NEB: variants seen among roughly 807,000 people sequenced by gnomAD.
The protein encoded by NEB is nebulin.
In NEB, 512 loss-of-function variants were observed where a neutral mutation model predicts 952.2. That is an observed-to-expected ratio of 0.54 (90% CI 0.50 to 0.58). The LOEUF is 0.58. Among genes scored for constraint, NEB ranks in the 20% least tolerant of loss-of-function variants. The pLI, the probability that NEB is intolerant of heterozygous loss-of-function variation, is 0.00. For synonymous variants in NEB, 2,900 were observed against 3,149.8 expected (o/e 0.92, Z 2.66); for missense variants, 8,428 against 9,231.1 (o/e 0.91, Z 3.56).
chr2:151,675,167 T>C, intron 35 of NEB, 120 bp downstream of exon 35: 2 of 758,816 alleles, frequency 2.6e-6, no homozygotes, highest in Non-Finnish European at 4.7e-6. Context: ...TGGGATATGT[T>C]CCAGTAGGGG....
rs772465298 is a variant in NEB at position 151,724,254 on chromosome 2, C to A, written c.612+6G>T. On this transcript the variant is annotated splice_donor_region_variant and intron_variant, in intron 8 of 181. Transcript: ENST00000397345. Reference sequence around the variant, plus strand: ...AGACAGAAGTGGCAATGGAGCAGACCCTTACCTTGCTGAACATGGCGGTGT... The same window carrying A: ...AGACAGAAGTGGCAATGGAGCAGACACTTACCTTGCTGAACATGGCGGTGT... 1 of 1,608,694 alleles carries A rather than the reference C, an allele frequency of 6.2e-7. No individual in the cohort carries two copies. The highest frequency in any genetic ancestry group is 1.1e-5 in the South Asian group (1 of 90,184).
Position 151,505,822 on chromosome 2 carries a change from C to T in NEB, c.23650-252G>A, listed in dbSNP as rs576375058. 144 of 554,020 alleles carry T rather than the reference C, an allele frequency of 2.6e-4. 1 individual carries two copies. In the African/African-American group the frequency reaches 2.6e-3, roughly 10 times the overall value. The allele number at this position is 554,020 out of a possible 1,614,324, so 34.3% of individuals were successfully genotyped here. A position where few individuals can be genotyped will look rare whatever the true frequency, so the allele number is the denominator to read the frequency against. ...TGGGGGCCCCTATTTAGACTGCAGCCCTTTCCTGTATACTCCAATGTCTTT... is the reference window on the plus strand; with the variant it reads ...TGGGGGCCCCTATTTAGACTGCAGCTCTTTCCTGTATACTCCAATGTCTTT... On this transcript the variant is annotated intron_variant, in intron 164 of 181. Coordinates refer to ENST00000397345, the MANE Select transcript of NEB (RefSeq NM_001164508.2).
intron 174 of NEB, 118 bp from the exon 175 acceptor site, chr2:151,493,985 CAAG>C: frequency 2.2e-6 from 2 of 908,404 alleles, no homozygotes; most frequent in Non-Finnish European, 3.4e-6. Context: ...GAACACCTCT[CAAG>C]AAGAAAGCTT....
In NEB at chr2:151,723,111, C is replaced by T. The variant is rs942875549; in HGVS notation, c.717+271G>A. Among the ~76,000 whole-genome samples, 9 of 152,326 alleles carry T rather than the reference C, an allele frequency of 5.9e-5. No homozygotes were observed. The South Asian group carries it at 8.3e-4, about 14-fold the overall frequency. The stretch of plus-strand genomic sequence containing the variant: ...AGAATACTAGTCTTGGGCTCACAAG[C>T]CTGGGCTCTGCCACTAACTAATGTG... On this transcript the variant is annotated intron_variant, in intron 9 of 181. Transcript: ENST00000397345.
Position 151,627,745 on chromosome 2 carries a change from C to T in NEB, c.9921G>A (p.Met3307Ile), listed in dbSNP as rs756185799. ...IEDDPKMMWSMHVAKIQSDRE... is the reference protein window; with the variant it reads ...IEDDPKMMWSIHVAKIQSDRE... Reference sequence around the variant, plus strand: ...TGTCACTCTGGATCTTGGCCACATGCATGGACCACATCATCTTGGGGTCAT... The same window carrying T: ...TGTCACTCTGGATCTTGGCCACATGTATGGACCACATCATCTTGGGGTCAT... Residue 3307 changes from methionine to isoleucine, a missense_variant, in exon 69 of 182, where the codon ATG (methionine) becomes ATA (isoleucine). Around this residue, in one of 11 missense-constraint regions of NEB, gnomAD observed 1,772 missense variants for 1,960.3 expected, o/e 0.90. Coordinates refer to ENST00000397345, the MANE Select transcript of NEB (RefSeq NM_001164508.2). The T allele has an allele frequency of 1.1e-5, 18 of 1,613,856 alleles. No homozygotes were observed. In the South Asian group the frequency reaches 1.9e-4, roughly 17 times the overall value.
chr2:151,609,700 C>G lies in NEB; in HGVS notation c.12330+109G>C, dbSNP rs12622127. 2,023 of 999,578 alleles carry G rather than the reference C, an allele frequency of 2.0e-3. 38 individuals carry two copies. In the East Asian group the frequency reaches 0.035, roughly 17 times the overall value. 61.9% of individuals were successfully genotyped at this position (999,578 alleles called of 1,614,324 possible). On this transcript the variant is annotated intron_variant, in intron 81 of 181. Transcript: ENST00000397345. ...TGAATGGTACCCCCAGCCCCACCCCCAGGTTTGTGCAGTGCACAGCCCAGG... is the reference window on the plus strand; with the variant it reads ...TGAATGGTACCCCCAGCCCCACCCCGAGGTTTGTGCAGTGCACAGCCCAGG...
At chr2:151,505,373 A>T in intron 165 of NEB, 105 bp downstream of exon 165, 1 of 1,001,456 alleles carries the variant, frequency 1.0e-6, no homozygotes, top group Non-Finnish European at 1.5e-6. Flanking sequence ...CAACATCCCC[A>T]AGGCATGGAA....
chr2:151,706,082 T>G (rs943174104), intron 13 of NEB, among the ~76,000 whole-genome samples: 1 of 152,186 alleles, frequency 6.6e-6, no homozygotes, highest in Non-Finnish European at 1.5e-5. Flanking sequence ...AAATGTTTTT[T>G]AAAAGAAAGC....
chr2:151,619,249 T>C (rs1158217913), intron 73 of NEB, among the ~76,000 whole-genome samples: 1 of 152,232 alleles, frequency 6.6e-6, no homozygotes, highest in Non-Finnish European at 1.5e-5. Flanking sequence ...ACTGATAATA[T>C]TTACTTTGTT....
chr2:151,492,670 C>G, intron 176 of NEB, 176 bp from the exon 177 acceptor site: 1 of 413,724 alleles, frequency 2.4e-6, no homozygotes. Flanking sequence ...GAAGGGCCCG[C>G]CAGTGGAAGA....
In NEB at chr2:151,684,797, G is replaced by C; in HGVS notation, c.2816C>G (p.Ala939Gly). Reference sequence around the variant, plus strand: ...ACTCACATCGCTCTGCAGCGCATATGCCTTCTTGGCAAGGTCCACATTGAT... The same window carrying C: ...ACTCACATCGCTCTGCAGCGCATATCCCTTCTTGGCAAGGTCCACATTGAT... Reference protein sequence around the residue: ...DSINVDLAKKAYALQSDVEYK... With the variant: ...DSINVDLAKKGYALQSDVEYK... Residue 939 changes from alanine to glycine, a missense_variant, in exon 28 of 182, where the codon GCA (alanine) becomes GGA (glycine). By Grantham distance (60) the Ala-to-Gly change is moderately conservative. Coordinates refer to ENST00000397345, the MANE Select transcript of NEB (RefSeq NM_001164508.2). 5 of 1,608,928 alleles carry C rather than the reference G, an allele frequency of 3.1e-6. No individual in the cohort carries two copies. The highest frequency in any genetic ancestry group is 4.2e-6 in the Non-Finnish European group (5 of 1,177,192).
intron 10 of NEB, among the ~76,000 whole-genome samples, chr2:151,714,386 T>C (rs1400379318): frequency 3.3e-5 from 5 of 152,134 alleles, no homozygotes; most frequent in African/African-American, 1.2e-4. Context: ...TCCCTAGTAA[T>C]CATTTCTTGC....
rs1553883480 is a variant in NEB, at chr2:151,609,917, C to CT, written c.12221dup (p.Thr4075AspfsTer5). On this transcript the variant is annotated frameshift_variant, in exon 81 of 182. Coordinates refer to ENST00000397345, the MANE Select transcript of NEB (RefSeq NM_001164508.2). LOFTEE classifies it high-confidence loss of function. ...GATAATCAATGTCAGTGACCAAAGT[C>CT]TGACATTTCTTGGCCAGCAAGATGC... 1 of 1,613,916 alleles carries CT rather than the reference C, an allele frequency of 6.2e-7. No homozygotes were observed. The highest frequency in any genetic ancestry group is 2.2e-5 in the East Asian group (1 of 44,864).
At position 151,643,876 on chromosome 2, in the gene NEB, C is replaced by G; in HGVS notation, c.7898G>C (p.Cys2633Ser). ...DYKNYLHQWT[C>S]LPDQSDVIHA... ...GATGACATCGCTCTGGTCGGGCAGG[C>G]ATGTCCACTGGTGCAGGTAGTTCTT... Residue 2633 changes from cysteine to serine, a missense_variant, in exon 57 of 182, where the codon TGC (cysteine) becomes TCC (serine). Around this residue, in one of 11 missense-constraint regions of NEB, gnomAD observed 1,772 missense variants for 1,960.3 expected, o/e 0.90. Transcript: ENST00000397345. The G allele has an allele frequency of 6.2e-7, 1 of 1,614,042 alleles. No homozygotes were observed. The highest frequency in any genetic ancestry group is 8.5e-7 in the Non-Finnish European group (1 of 1,179,896).
intron 73 of NEB, 131 bp downstream of exon 73, chr2:151,619,320 T>G (rs2098324182): frequency 4.8e-6 from 5 of 1,047,560 alleles, no homozygotes; most frequent in Non-Finnish European, 6.7e-6. Flanking sequence ...AATGGGAAAC[T>G]CCTTTCAGAC....
At chr2:151,526,102 C>T in intron 149 of NEB, 34 bp from the exon 150 acceptor site, 1 of 1,611,776 alleles carries the variant, frequency 6.2e-7, no homozygotes, top group Non-Finnish European at 8.5e-7. Context: ...ATTAAGGCAT[C>T]TGCCTGGGGC....
At chr2:151,732,087 C>A (rs1457162307) in intron 3 of NEB, among the ~76,000 whole-genome samples, 1 of 152,090 alleles carries the variant, frequency 6.6e-6, no homozygotes, top group Non-Finnish European at 1.5e-5. Context: ...TTTGGCACTG[C>A]CACCTAAAAT....
At chr2:151,660,335 T>C (rs756069640) in intron 46 of NEB, among the ~76,000 whole-genome samples, 12 of 152,162 alleles carry the variant, frequency 7.9e-5, no homozygotes, top group Non-Finnish European at 1.6e-4. Context: ...TCAGAAACCC[T>C]AAACTGCAAA....
intron 156 of NEB, 39 bp from the exon 157 acceptor site, chr2:151,516,602 T>C: frequency 1.5e-6 from 2 of 1,335,614 alleles, no homozygotes; most frequent in Non-Finnish European, 1.1e-6. Context: ...TCTCCTCTGG[T>C]CAATTCCTAG....
Sources: gnomAD v4.1 joint callset for allele counts (sites outside exome capture counted in the v4.1 genomes callset) on GRCh38, gnomAD v4.1.1 for gene constraint, gnomAD v4.1.1 regional missense constraint, MANE v1.5 for transcripts, NCBI Gene and HGNC (gene_info 2026-07-23, HGNC 2026-07-21) for gene names.